Variants in CNOT4 observed in about 807,000 individuals in gnomAD.
The protein encoded by CNOT4 is CCR4-associated factor 4.
CNOT4 carries 8 observed loss-of-function variants against 73.8 expected under a neutral mutation model. The observed-to-expected ratio is 0.11, with a 90% CI of 0.06 to 0.20. The LOEUF is 0.20. Ranked by LOEUF, CNOT4 falls within the 10% of genes least tolerant of loss-of-function variation. CNOT4 has a pLI of 1.00. For missense variants in CNOT4, 564 were observed against 883.4 expected, an observed-to-expected ratio of 0.64 and a Z score of 4.58; for synonymous variants, 293 against 321.1, an observed-to-expected ratio of 0.91 and a Z score of 0.94.
chr7:135,365,978 A>C (rs1400263299), intron 10 of CNOT4, among the ~76,000 whole-genome samples: 1 of 152,252 alleles, frequency 6.6e-6, no homozygotes, highest in Non-Finnish European at 1.5e-5. Context: ...TGTCATGCTG[A>C]ATAACTTAAA....
At chr7:135,414,963 A>C (rs528360923) in intron 4 of CNOT4, among the ~76,000 whole-genome samples, 14 of 152,096 alleles carry the variant, frequency 9.2e-5, no homozygotes, top group African/African-American at 3.4e-4. Flanking sequence ...CCATCACTAA[A>C]TGTTTGTTTT....
Position 135,414,392 on chromosome 7 carries a change from T to C in CNOT4, c.500A>G (p.Glu167Gly). ...ASAYVTYIRS[E>G]DALRAIQCVN... ...ACACTGTATGGCTCTGAGAGCGTCT[T>C]CTGACCGGATATAGGTTACATAAGC... The change falls in exon 5 of 12, where the codon GAA becomes GGA. Residue 167 changes from glutamate (E) to glycine (G), a missense_variant. Physicochemically the swap from Glu to Gly is moderately conservative, Grantham distance 98. Transcript: ENST00000541284. 1 of 1,565,902 alleles carries C rather than the reference T, an allele frequency of 6.4e-7. No individual in the cohort carries two copies. Among genetic ancestry groups the C allele is most frequent in the South Asian group, 1.1e-5 (1 of 89,492 alleles).
chr7:135,418,952 T>C (rs561382635), intron 3 of CNOT4, among the ~76,000 whole-genome samples: 34 of 152,324 alleles, frequency 2.2e-4, no homozygotes, highest in African/African-American at 7.9e-4. Context: ...GTCTGTGAGC[T>C]TGTGTCTGGC....
At chr7:135,499,822 C>G (rs2129488093) in intron 1 of CNOT4, among the ~76,000 whole-genome samples, 1 of 152,146 alleles carries the variant, frequency 6.6e-6, no homozygotes, top group South Asian at 2.1e-4. Flanking sequence ...CAATGGATAT[C>G]TCAACTCAAA....
At position 135,376,427 on chromosome 7, in the gene CNOT4, G is replaced by A. The variant is rs563913662; in HGVS notation, c.1628-12361C>T. 3.9e-5 allele frequency among the ~76,000 whole-genome samples: 6 copies of A among 152,026 alleles called. 1 individual carries two copies. Among genetic ancestry groups the A allele is most frequent in the Admixed American group, 2.0e-4 (3 of 15,280 alleles). Reference sequence around the variant, plus strand: ...CTGCTTATTTCTTAGCAGATCACTCGGGACTGGCCATTCCAAATGAAGTCA... The same window carrying A: ...CTGCTTATTTCTTAGCAGATCACTCAGGACTGGCCATTCCAAATGAAGTCA... On this transcript the variant is annotated intron_variant, in intron 10 of 11. Coordinates refer to ENST00000541284, the MANE Select transcript of CNOT4 (RefSeq NM_001190850.2).
intron 3 of CNOT4, among the ~76,000 whole-genome samples, chr7:135,417,916 C>A (rs1797957339): frequency 6.6e-6 from 1 of 152,188 alleles, no homozygotes; most frequent in Non-Finnish European, 1.5e-5. Flanking sequence ...ACCTCCCTCC[C>A]AAGGTGGAAT....
At chr7:135,463,969 A>C (rs1801051414) in intron 1 of CNOT4, among the ~76,000 whole-genome samples, 1 of 150,184 alleles carries the variant, frequency 6.7e-6, no homozygotes, top group Admixed American at 6.7e-5. Flanking sequence ...AATGCAAATC[A>C]AAACCACAAT....
chr7:135,417,057 T>C (rs536373528), intron 3 of CNOT4, among the ~76,000 whole-genome samples: 21 of 152,358 alleles, frequency 1.4e-4, no homozygotes, highest in African/African-American at 5.0e-4. Flanking sequence ...TCATGGTACC[T>C]GAGTTGCCAA....
chr7:135,424,175 CTCAA>C lies in CNOT4; in HGVS notation c.175-1826_175-1823del, dbSNP rs113784300. On this transcript the variant is annotated intron_variant, in intron 2 of 11. Transcript: ENST00000541284. ...AGATCTATTAAGGTAAGTTCAGTTC[CTCAA>C]TCAATTACGTAGTCATCCACATTTA... Among the ~76,000 whole-genome samples the C allele has an allele frequency of 3.1e-4, 47 of 152,024 alleles. 1 individual carries two copies. Among genetic ancestry groups the C allele is most frequent in the African/African-American group, 1.1e-3 (45 of 41,464 alleles).
At chr7:135,471,236 A>C (rs958005051) in intron 1 of CNOT4, among the ~76,000 whole-genome samples, 14 of 152,092 alleles carry the variant, frequency 9.2e-5, no homozygotes, top group African/African-American at 3.4e-4. Flanking sequence ...GAAGACTGGG[A>C]GACAGTATGG....
At chr7:135,457,556 G>A (rs896284652) in intron 1 of CNOT4, among the ~76,000 whole-genome samples, 12 of 151,910 alleles carry the variant, frequency 7.9e-5, no homozygotes, top group Admixed American at 7.2e-4. Flanking sequence ...TAAATTAATA[G>A]GATTTTGAGA....
At chr7:135,469,202 G>GTA (rs1801418329) in intron 1 of CNOT4, among the ~76,000 whole-genome samples, 2 of 151,986 alleles carry the variant, frequency 1.3e-5, no homozygotes, top group African/African-American at 4.8e-5. Context: ...TGAGTATCTA[G>GTA]TATATACATC....
chr7:135,396,060 C>A (rs552869126), intron 8 of CNOT4, among the ~76,000 whole-genome samples, 177 bp from the exon 9 acceptor site: 1 of 149,012 alleles, frequency 6.7e-6, no homozygotes, highest in South Asian at 2.1e-4. Context: ...TACATATATA[C>A]TCTTTAAAAA....
At chr7:135,407,674 T>C (rs982716159) in intron 7 of CNOT4, among the ~76,000 whole-genome samples, 19 of 119,876 alleles carry the variant, frequency 1.6e-4, no homozygotes, top group Admixed American at 7.5e-4. Context: ...ATGCTAATGG[T>C]TGGGAGGAGT....
intron 8 of CNOT4, among the ~76,000 whole-genome samples, chr7:135,397,565 A>G (rs1278942804): frequency 1.3e-5 from 2 of 151,430 alleles, no homozygotes; most frequent in African/African-American, 2.4e-5. Context: ...TATTTTACCA[A>G]TGTAAGAAGA....
At chr7:135,408,953 T>G (rs1797450940) in intron 7 of CNOT4, among the ~76,000 whole-genome samples, 1 of 152,160 alleles carries the variant, frequency 6.6e-6, no homozygotes, top group Non-Finnish European at 1.5e-5. Context: ...TTTCATAAAT[T>G]TTTCACATTT....
chr7:135,398,088 T>C (rs1467527964), intron 8 of CNOT4, 81 bp downstream of exon 8: 1 of 775,688 alleles, frequency 1.3e-6, no homozygotes, highest in Non-Finnish European at 2.3e-6. Context: ...AGTAAAGTAT[T>C]TTTAGAAAAT....
At chr7:135,398,455 T>C (rs957750100) in intron 7 of CNOT4, among the ~76,000 whole-genome samples, 17 of 152,218 alleles carry the variant, frequency 1.1e-4, no homozygotes, top group Admixed American at 1.0e-3. Flanking sequence ...TTGAAACTTA[T>C]TGCACGCTGA....
In CNOT4 at chr7:135,363,188, TAAGGA is replaced by T; in HGVS notation, c.1841-7_1841-3del. On this transcript the variant is annotated splice_region_variant and splice_polypyrimidine_tract_variant and intron_variant, in intron 11 of 11. Transcript: ENST00000541284. This position sits in a 1 kb window ranked among gnomAD's most constrained non-coding sequence, Gnocchi z 4.3. ...TGTTTCCTGAAGACGCTGGAATACCTAAGGAGAGAAAAGAAAAAAGAGGGAAAATG... is the reference window on the plus strand; with the variant it reads ...TGTTTCCTGAAGACGCTGGAATACCTGAGAAAAGAAAAAAGAGGGAAAATG... The T allele has an allele frequency of 1.2e-6, 2 of 1,612,600 alleles. No homozygotes were observed. The highest frequency in any genetic ancestry group is 2.2e-5 in the South Asian group (2 of 91,056).
Sources: allele counts gnomAD v4.1 joint callset (sites outside exome capture counted in the v4.1 genomes callset), GRCh38; gene constraint gnomAD v4.1.1; non-coding constraint Gnocchi (gnomAD v3.1); transcripts MANE v1.5; gene names NCBI Gene and HGNC (gene_info 2026-07-23, HGNC 2026-07-21).